SLC8A1: variants seen among roughly 807,000 people sequenced by gnomAD.
SLC8A1 encodes solute carrier family 8 member A1, also known as sodium/calcium exchanger 1.
In SLC8A1, 18 loss-of-function variants were observed where a neutral mutation model predicts 68.3. The ratio of observed to expected loss-of-function variants is 0.26; its 90% CI spans 0.18 to 0.39. The LOEUF (loss-of-function observed/expected upper bound fraction) is 0.39, where lower values mean the gene tolerates loss of function less well. SLC8A1 is among the 10% of genes least tolerant of loss of function. SLC8A1 has a pLI of 1.00. For synonymous variants in SLC8A1, 475 were observed against 415.5 expected (o/e 1.14, Z -1.74); for missense variants, 985 against 1,156.7 (o/e 0.85, Z 2.15).
At chr2:40,471,606 C>T (rs577393962) in intron 1 of SLC8A1, among the ~76,000 whole-genome samples, 2 of 152,180 alleles carry the variant, frequency 1.3e-5, no homozygotes, top group South Asian at 4.2e-4. Flanking sequence ...CTCCATCAGT[C>T]ATATAGAGGA....
chr2:40,390,868 G>T (rs1175097193), intron 2 of SLC8A1, among the ~76,000 whole-genome samples: 12 of 151,806 alleles, frequency 7.9e-5, no homozygotes, highest in Admixed American at 7.2e-4. Context: ...CAATTTGATA[G>T]ACATTTTATC....
At chr2:40,221,299 G>C (rs542581649) in intron 2 of SLC8A1, among the ~76,000 whole-genome samples, 3 of 152,140 alleles carry the variant, frequency 2.0e-5, no homozygotes, top group African/African-American at 7.2e-5. Flanking sequence ...TATCTCAATA[G>C]ATGCAGAAAA....
intron 6 of SLC8A1, among the ~76,000 whole-genome samples, chr2:40,153,824 C>T (rs549606168): frequency 6.6e-6 from 1 of 152,320 alleles, no homozygotes; most frequent in South Asian, 2.1e-4. Context: ...AGTAACTGAT[C>T]CTGCCTACTT....
At chr2:40,358,502 G>A (rs1392536471) in intron 2 of SLC8A1, among the ~76,000 whole-genome samples, 1 of 152,174 alleles carries the variant, frequency 6.6e-6, no homozygotes, top group East Asian at 1.9e-4. Context: ...AAGAATAAGG[G>A]ATTTGGAGTA....
chr2:40,237,210 G>C (rs2060512223), intron 2 of SLC8A1, among the ~76,000 whole-genome samples: 1 of 152,110 alleles, frequency 6.6e-6, no homozygotes, highest in African/African-American at 2.4e-5. Context: ...TTTCCAACTT[G>C]GTTCCATTGT....
chr2:40,174,140 G>A lies in SLC8A1; in HGVS notation c.1930+685C>T, dbSNP rs62148760. Among the ~76,000 whole-genome samples the A allele has an allele frequency of 5.7e-3, 863 of 152,164 alleles. 1 individual carries two copies. Among genetic ancestry groups the A allele is most frequent in the Middle Eastern group, 0.014 (4 of 294 alleles). ...ATTAATACTAAAACCTAAGTCCCCA[G>A]AGAAACCCTCAGATTGGTGTGGTGG... On this transcript the variant is annotated intron_variant, in intron 4 of 7. Coordinates refer to ENST00000406785, the Ensembl canonical transcript of SLC8A1.
chr2:40,199,717 C>G (rs1015716410), intron 2 of SLC8A1, among the ~76,000 whole-genome samples: 7 of 151,828 alleles, frequency 4.6e-5, no homozygotes, highest in Admixed American at 3.3e-4. Context: ...TACAAAAACT[C>G]AGCCATAGAG....
chr2:40,215,139 AAG>A (rs1227993166), intron 2 of SLC8A1, among the ~76,000 whole-genome samples: 1 of 152,152 alleles, frequency 6.6e-6, no homozygotes, highest in Non-Finnish European at 1.5e-5. Context: ...AGCACAGAGA[AAG>A]AGCTCAATAT....
At chr2:40,402,601 A>C (rs1379590770) in intron 2 of SLC8A1, among the ~76,000 whole-genome samples, 1 of 152,168 alleles carries the variant, frequency 6.6e-6, no homozygotes, top group East Asian at 1.9e-4. Flanking sequence ...ATTGAAACAT[A>C]GGTGATAAAC....
At chr2:40,178,077 G>A (rs1348988704) in intron 2 of SLC8A1, among the ~76,000 whole-genome samples, 1 of 152,198 alleles carries the variant, frequency 6.6e-6, no homozygotes, top group Non-Finnish European at 1.5e-5. Flanking sequence ...GCTTCAGTTA[G>A]CAGTCAGTAG....
At chr2:40,391,168 T>G (rs2149598966) in intron 2 of SLC8A1, among the ~76,000 whole-genome samples, 1 of 63,438 alleles carries the variant, frequency 1.6e-5, no homozygotes, top group South Asian at 3.7e-4. Context: ...AATATATATG[T>G]AGATGCGTGT....
intron 2 of SLC8A1, among the ~76,000 whole-genome samples, chr2:40,293,524 A>C (rs1274208895): frequency 6.6e-6 from 1 of 152,150 alleles, no homozygotes; most frequent in Non-Finnish European, 1.5e-5. Context: ...CATTTTTCTC[A>C]ATAGGAGCAT....
rs374515300 is a variant in SLC8A1, at chr2:40,360,804, G to A, written c.1808+67669C>T. Among the ~76,000 whole-genome samples, 11 of 152,234 alleles carry A rather than the reference G, an allele frequency of 7.2e-5. No homozygotes were observed. The East Asian group carries it at 1.2e-3, about 16-fold the overall frequency. On this transcript the variant is annotated intron_variant, in intron 2 of 7. Transcript: ENST00000406785. Reference sequence around the variant, plus strand: ...CTTACAAAGATCTCTCTAGCATTAGGGCAAGGTCTGCCCTCTTGCCATTGG... The same window carrying A: ...CTTACAAAGATCTCTCTAGCATTAGAGCAAGGTCTGCCCTCTTGCCATTGG...
intron 2 of SLC8A1, among the ~76,000 whole-genome samples, chr2:40,377,032 A>T (rs1680127439): frequency 6.6e-6 from 1 of 152,058 alleles, no homozygotes; most frequent in East Asian, 1.9e-4. Context: ...AGGTGAGGGG[A>T]TGTCACTCCT....
At chr2:40,358,886 C>T (rs183703468) in intron 2 of SLC8A1, among the ~76,000 whole-genome samples, 1 of 152,260 alleles carries the variant, frequency 6.6e-6, no homozygotes, top group East Asian at 1.9e-4. Flanking sequence ...AGGCAAAGAA[C>T]CACACAAAAA....
chr2:40,307,553 A>G (rs2072887085), intron 2 of SLC8A1, among the ~76,000 whole-genome samples: 1 of 152,192 alleles, frequency 6.6e-6, no homozygotes, highest in Admixed American at 6.5e-5. Flanking sequence ...TGAAGTTTTT[A>G]AAAAGATATA....
At chr2:40,240,865 T>C (rs954410470) in intron 2 of SLC8A1, among the ~76,000 whole-genome samples, 1 of 152,170 alleles carries the variant, frequency 6.6e-6, no homozygotes, top group East Asian at 1.9e-4. Context: ...GATGACAGAA[T>C]GATACCCCGA....
At chr2:40,125,711 C>T (rs1373821948) in intron 7 of SLC8A1, among the ~76,000 whole-genome samples, 3 of 151,822 alleles carry the variant, frequency 2.0e-5, no homozygotes, top group African/African-American at 7.3e-5. Flanking sequence ...TAATGCCCAT[C>T]TTTCTTGGGC....
At chr2:40,235,957 C>G (rs1316985675) in intron 2 of SLC8A1, among the ~76,000 whole-genome samples, 5 of 151,300 alleles carry the variant, frequency 3.3e-5, no homozygotes, top group South Asian at 2.1e-4. Flanking sequence ...GCACTGTGGT[C>G]TGAGAGATAG....
Sources: allele counts gnomAD v4.1 joint callset (sites outside exome capture counted in the v4.1 genomes callset), GRCh38; gene constraint gnomAD v4.1.1; transcripts MANE v1.5; gene names NCBI Gene and HGNC (gene_info 2026-07-23, HGNC 2026-07-21).